The following KAZN variants were observed in gnomAD, a reference collection of about 807,000 sequenced individuals.
KAZN encodes kazrin, periplakin interacting protein.
KAZN carries 40 observed loss-of-function variants against 87.4 expected under a neutral mutation model. That is an observed-to-expected ratio of 0.46 (90% CI 0.36 to 0.60). The LOEUF (loss-of-function observed/expected upper bound fraction) is 0.60, where lower values mean the gene tolerates loss of function less well. Among genes scored for constraint, KAZN ranks in the 20% least tolerant of loss-of-function variants. The pLI is 0.00. For missense variants in KAZN, 898 were observed against 1,073.9 expected, an observed-to-expected ratio of 0.84 and a Z score of 2.29; for synonymous variants, 466 against 458.3, an observed-to-expected ratio of 1.02 and a Z score of -0.22.
intron 2 of KAZN, among the ~76,000 whole-genome samples, chr1:14,402,797 A>ACCT (rs1663523807): frequency 6.6e-6 from 1 of 152,164 alleles, no homozygotes; most frequent in African/African-American, 2.4e-5. Flanking sequence ...GATGAAGGAG[A>ACCT]ATAAAAATCT....
At chr1:14,376,813 A>G (rs1660953142) in intron 2 of KAZN, among the ~76,000 whole-genome samples, 1 of 152,236 alleles carries the variant, frequency 6.6e-6, no homozygotes, top group South Asian at 2.1e-4. Context: ...AGACAAGCAG[A>G]TTAGTCATAG....
chr1:14,723,703 G>C (rs1266518878), intron 1 of KAZN, among the ~76,000 whole-genome samples: 2 of 152,184 alleles, frequency 1.3e-5, no homozygotes, highest in African/African-American at 2.4e-5. Context: ...ACATCAGTGG[G>C]GTGGAAGTGG....
At chr1:14,621,424 T>C (rs11579756) in intron 1 of KAZN, among the ~76,000 whole-genome samples, 54,565 of 152,170 alleles carry the variant, frequency 0.36, 11,328 homozygotes, top group African/African-American at 0.58. Context: ...TGCCTTTTAA[T>C]GAATCTCTAT....
intron 2 of KAZN, among the ~76,000 whole-genome samples, chr1:14,419,571 C>A (rs966363351): frequency 6.6e-6 from 1 of 152,170 alleles, no homozygotes; most frequent in South Asian, 2.1e-4. Flanking sequence ...ACTTCAAGAA[C>A]GAAGCCGTGG....
In KAZN at chr1:14,579,322, G is replaced by T. The variant is rs72863623; in HGVS notation, c.250-19661G>T. The stretch of plus-strand genomic sequence containing the variant: ...CACCCATTAATGCCCCCAAATTGTG[G>T]TTTTTCCATATCTCCTGAGTAGTCT... On this transcript the variant is annotated intron_variant, in intron 2 of 16. Coordinates refer to the KAZN transcript ENST00000636203. Among the ~76,000 whole-genome samples, 548 of 152,276 alleles carry T rather than the reference G, an allele frequency of 3.6e-3. 8 individuals are homozygous for T. The highest frequency in any genetic ancestry group is 0.013 in the African/African-American group (525 of 41,562).
chr1:14,383,823 T>TCCATATGAA (rs1162222895), intron 2 of KAZN, among the ~76,000 whole-genome samples: 2 of 152,160 alleles, frequency 1.3e-5, no homozygotes, highest in Non-Finnish European at 2.9e-5. Context: ...CCATATGAAC[T>TCCATATGAA]TTAAAGTAGT....
intron 2 of KAZN, among the ~76,000 whole-genome samples, chr1:14,313,507 T>C (rs1655447823): frequency 6.6e-6 from 1 of 151,882 alleles, no homozygotes; most frequent in South Asian, 2.1e-4. Context: ...ACGCCTTTTA[T>C]AAGCCACTTA....
intron 1 of KAZN, among the ~76,000 whole-genome samples, chr1:14,736,287 G>T (rs1227438000): frequency 1.4e-5 from 2 of 145,548 alleles, no homozygotes; most frequent in Non-Finnish European, 3.0e-5. Context: ...GTGTGTGTGT[G>T]TGTGTGTGTG....
chr1:14,020,637 C>T (rs1640780773), intron 1 of KAZN, among the ~76,000 whole-genome samples: 1 of 152,168 alleles, frequency 6.6e-6, no homozygotes, highest in Admixed American at 6.5e-5. Flanking sequence ...CAGTTTGTTT[C>T]TTAGGACGAT....
intron 1 of KAZN, among the ~76,000 whole-genome samples, chr1:14,110,586 T>TGTTGGGA (rs1451652219): frequency 0.022 from 2,980 of 137,360 alleles, 239 homozygotes; most frequent in East Asian, 0.043. Flanking sequence ...AGGTTTTATT[T>TGTTGGGA]GCATGACTTG....
chr1:14,520,758 C>T (rs2148463844), intron 2 of KAZN, among the ~76,000 whole-genome samples: 1 of 152,340 alleles, frequency 6.6e-6, no homozygotes, highest in South Asian at 2.1e-4. Context: ...TCCTCCCAAA[C>T]TCCCCCCAAA....
At chr1:14,754,557 T>C (rs551248456) in intron 1 of KAZN, among the ~76,000 whole-genome samples, 94 of 152,112 alleles carry the variant, frequency 6.2e-4, no homozygotes, top group Middle Eastern at 3.4e-3. Flanking sequence ...CGCTTGAACT[T>C]GAGAAGTAGA....
intron 1 of KAZN, among the ~76,000 whole-genome samples, chr1:14,156,603 T>C (rs1645597688): frequency 6.6e-6 from 1 of 152,252 alleles, no homozygotes; most frequent in African/African-American, 2.4e-5. Context: ...TCTTTGTCTC[T>C]TCTTATAGTT....
At chr1:14,588,526 T>TA (rs1222837281) in intron 2 of KAZN, among the ~76,000 whole-genome samples, 1 of 152,232 alleles carries the variant, frequency 6.6e-6, no homozygotes, top group Non-Finnish European at 1.5e-5. Flanking sequence ...GAAGGGAACT[T>TA]ACGCACCTGA....
intron 2 of KAZN, chr1:14,349,156 G>A (rs780795534): frequency 6.6e-6 from 1 of 152,212 alleles, no homozygotes; most frequent in African/African-American, 2.4e-5. Context: ...AAAGGCCAAC[G>A]TATGTGGTAC....
chr1:13,931,123 A>G (rs764104696), intron 1 of KAZN, among the ~76,000 whole-genome samples: 3 of 152,234 alleles, frequency 2.0e-5, no homozygotes, highest in African/African-American at 7.2e-5. Context: ...TGATTAAATA[A>G]TGAAGGGTCA....
rs989913888 is a variant in KAZN, at chr1:14,321,649, G to A, written c.249+141057G>A. 3.9e-5 allele frequency among the ~76,000 whole-genome samples: 6 copies of A among 152,232 alleles called. No homozygotes were observed. The East Asian group carries it at 9.6e-4, about 24-fold the overall frequency. On this transcript the variant is annotated intron_variant, in intron 2 of 16. Coordinates refer to the KAZN transcript ENST00000636203. ...AAAATGATCATTGTGTACTATAAAA[G>A]CATCATTCATTTCCTATTACCATTG...
chr1:14,513,625 G>A (rs1026705791), intron 2 of KAZN, among the ~76,000 whole-genome samples: 13 of 152,082 alleles, frequency 8.5e-5, no homozygotes, highest in Non-Finnish European at 1.3e-4. Context: ...ATTAACAAAA[G>A]AGAAAACATG....
At chr1:15,016,000 C>T (rs1256088554) in intron 2 of KAZN, among the ~76,000 whole-genome samples, 1 of 152,176 alleles carries the variant, frequency 6.6e-6, no homozygotes, top group Non-Finnish European at 1.5e-5. Flanking sequence ...CCACCCGGAA[C>T]CTGTGCACAT....
Sources: gnomAD v4.1 joint callset for allele counts (sites outside exome capture counted in the v4.1 genomes callset) on GRCh38, gnomAD v4.1.1 for gene constraint, MANE v1.5 for transcripts, NCBI Gene and HGNC (gene_info 2026-07-23, HGNC 2026-07-21) for gene names.